PPP2R2C: variants seen among roughly 807,000 people sequenced by gnomAD.
The protein encoded by PPP2R2C is protein phosphatase 2, regulatory subunit B, gamma.
A neutral mutation model predicts 45.3 loss-of-function variants in PPP2R2C; 10 were observed. The ratio of observed to expected loss-of-function variants is 0.22; its 90% CI spans 0.14 to 0.37. PPP2R2C has a LOEUF of 0.37. Ranked by LOEUF, PPP2R2C falls within the 10% of genes least tolerant of loss-of-function variation. The pLI is 1.00. For missense variants in PPP2R2C, 308 were observed against 619.7 expected (o/e 0.50, Z 5.34); for synonymous variants, 257 against 245.4 (o/e 1.05, Z -0.44).
At chr4:6,362,277 G>T (rs1713832004) in intron 5 of PPP2R2C, among the ~76,000 whole-genome samples, 1 of 152,246 alleles carries the variant, frequency 6.6e-6, no homozygotes, top group East Asian at 1.9e-4. Context: ...ACATAAGGCT[G>T]GGAGTGGCAG....
intron 2 of PPP2R2C, among the ~76,000 whole-genome samples, chr4:6,509,568 A>G (rs1723359943): frequency 6.6e-6 from 1 of 152,170 alleles, no homozygotes; most frequent in South Asian, 2.1e-4. Context: ...CAACCAAACT[A>G]ATCTACCCTT....
chr4:6,485,325 T>C (rs1722495886), intron 2 of PPP2R2C, among the ~76,000 whole-genome samples: 1 of 151,960 alleles, frequency 6.6e-6, no homozygotes. Flanking sequence ...TTAATTCATG[T>C]ACATGAGGAC....
At chr4:6,531,901 G>A (rs980003299) in intron 2 of PPP2R2C, among the ~76,000 whole-genome samples, 3 of 152,154 alleles carry the variant, frequency 2.0e-5, no homozygotes, top group Non-Finnish European at 2.9e-5. Context: ...GGCAGACACC[G>A]GATGCCCCGT....
At chr4:6,520,276 G>A (rs1364879900) in intron 2 of PPP2R2C, among the ~76,000 whole-genome samples, 4 of 152,196 alleles carry the variant, frequency 2.6e-5, no homozygotes, top group East Asian at 3.9e-4. Flanking sequence ...GCGGGGCTCC[G>A]GCCCGGGCTG....
At chr4:6,459,783 T>TCA (rs1203544253) in intron 1 of PPP2R2C, among the ~76,000 whole-genome samples, 3 of 151,700 alleles carry the variant, frequency 2.0e-5, no homozygotes, top group South Asian at 2.1e-4. Context: ...CAAGCCTCTG[T>TCA]CACACACACA....
rs200453345 is a variant in PPP2R2C, at chr4:6,442,342, TGA to T, written c.70+29816_70+29817del. On this transcript the variant is annotated intron_variant, in intron 1 of 8. Coordinates refer to ENST00000382599, the MANE Select transcript of PPP2R2C (RefSeq NM_020416.4). ...CTGCCCGCTCTCAGCAGGAGGTGGG[TGA>T]GTGGCCAGAGGCCTGGGCTTAGGAA... is the stretch of plus-strand genomic sequence containing the variant. Among the ~76,000 whole-genome samples, 14 of 152,232 alleles carry T rather than the reference TGA, an allele frequency of 9.2e-5. No homozygotes were observed. The East Asian group carries it at 2.1e-3, about 23-fold the overall frequency.
intron 1 of PPP2R2C, among the ~76,000 whole-genome samples, chr4:6,549,602 G>C (rs577653249): frequency 1.3e-5 from 2 of 152,312 alleles, no homozygotes; most frequent in South Asian, 4.1e-4. Context: ...TGCTCCTGTA[G>C]AGTGGCCACA....
At chr4:6,356,243 A>G (rs10937723) in intron 5 of PPP2R2C, among the ~76,000 whole-genome samples, 140,506 of 152,260 alleles carry the variant, frequency 0.92, 65,457 homozygotes, top group East Asian at 1. Flanking sequence ...CCAAGCACCT[A>G]GTACCTGTCG....
chr4:6,441,126 C>G (rs1289426124), intron 1 of PPP2R2C, among the ~76,000 whole-genome samples: 3 of 152,046 alleles, frequency 2.0e-5, no homozygotes, highest in Non-Finnish European at 4.4e-5. Flanking sequence ...TGCAGGTGCA[C>G]AGGAAAAGGG....
At chr4:6,495,650 T>G (rs919554316) in intron 2 of PPP2R2C, among the ~76,000 whole-genome samples, 2 of 152,208 alleles carry the variant, frequency 1.3e-5, no homozygotes, top group African/African-American at 2.4e-5. Flanking sequence ...GAAATGGAGA[T>G]AGTAGGTCAC....
upstream of PPP2R2C, among the ~76,000 whole-genome samples, chr4:6,475,456 T>C (rs982669157): frequency 1.3e-5 from 2 of 152,078 alleles, no homozygotes; most frequent in Non-Finnish European, 2.9e-5. Context: ...GCCAAAAGGG[T>C]ACAGCTACAC....
At chr4:6,474,506 C>T (rs1395836818), upstream of PPP2R2C, among the ~76,000 whole-genome samples, 3 of 152,266 alleles carry the variant, frequency 2.0e-5, no homozygotes, top group Admixed American at 6.5e-5. Flanking sequence ...GTCCCCTCTC[C>T]CTATCTGTCA....
chr4:6,473,302 C>T (rs1293626187), upstream of PPP2R2C, among the ~76,000 whole-genome samples: 1 of 152,130 alleles, frequency 6.6e-6, no homozygotes, highest in Non-Finnish European at 1.5e-5. Flanking sequence ...TTCCCTCCCT[C>T]CCCTCCAAAC....
intron 6 of PPP2R2C, among the ~76,000 whole-genome samples, chr4:6,339,621 A>G (rs987025303): frequency 2.0e-5 from 3 of 152,208 alleles, no homozygotes; most frequent in Admixed American, 6.5e-5. Context: ...GTAGAAATGC[A>G]TGGGCTTGAG....
In PPP2R2C at chr4:6,472,216, G is replaced by A; in HGVS notation, c.14C>T (p.Thr5Met). Residue 5 changes from threonine (T) to methionine (M), a missense_variant, in exon 1 of 9, where the codon ACG becomes ATG. Coordinates refer to ENST00000382599, the MANE Select transcript of PPP2R2C (RefSeq NM_020416.4). MGED[T>M]DTRKINHSFL... Reference sequence around the variant, plus strand: ...GCTGTGGTTAATTTTCCGCGTGTCCGTGTCCTCGCCCATTGAAGGCCGTGC... The same window carrying A: ...GCTGTGGTTAATTTTCCGCGTGTCCATGTCCTCGCCCATTGAAGGCCGTGC... 2 of 1,613,130 alleles carry A rather than the reference G, an allele frequency of 1.2e-6. No individual in the cohort carries two copies. Among genetic ancestry groups the A allele is most frequent in the Non-Finnish European group, 8.5e-7 (1 of 1,179,328 alleles).
intron 1 of PPP2R2C, among the ~76,000 whole-genome samples, chr4:6,465,378 G>A (rs1243584604): frequency 1.3e-5 from 2 of 152,112 alleles, no homozygotes; most frequent in East Asian, 1.9e-4. Flanking sequence ...CTCCCCATAG[G>A]GAAGAGCTGC....
At chr4:6,397,093 T>C (rs1717090361) in intron 1 of PPP2R2C, among the ~76,000 whole-genome samples, 1 of 152,212 alleles carries the variant, frequency 6.6e-6, no homozygotes, top group South Asian at 2.1e-4. Context: ...GCAGGAATCC[T>C]TCAATCCCAG....
intron 5 of PPP2R2C, among the ~76,000 whole-genome samples, chr4:6,352,368 C>T (rs1354155026): frequency 6.6e-6 from 1 of 152,204 alleles, no homozygotes; most frequent in Non-Finnish European, 1.5e-5. Flanking sequence ...TGGCCCCACC[C>T]CAGCTTCATG....
chr4:6,500,767 A>T (rs1387488057), intron 2 of PPP2R2C, among the ~76,000 whole-genome samples: 1 of 152,262 alleles, frequency 6.6e-6, no homozygotes, highest in Non-Finnish European at 1.5e-5. Context: ...TAGGTGCCCC[A>T]GGATTAACGG....
Sources: gnomAD v4.1 joint callset for allele counts (sites outside exome capture counted in the v4.1 genomes callset) on GRCh38, gnomAD v4.1.1 for gene constraint, MANE v1.5 for transcripts, NCBI Gene and HGNC (gene_info 2026-07-23, HGNC 2026-07-21) for gene names.